AUTS2: variants seen among roughly 807,000 people sequenced by gnomAD.
AUTS2 encodes activator of transcription and developmental regulator AUTS2.
Under a neutral mutation model 112.4 loss-of-function variants are expected in AUTS2, and 17 were observed. The observed-to-expected ratio is 0.15, with a 90% CI of 0.10 to 0.23. AUTS2 has a LOEUF of 0.23. AUTS2 is among the 10% of genes least tolerant of loss of function. AUTS2 has a pLI of 1.00. For synonymous variants in AUTS2, 751 were observed against 702.7 expected, an observed-to-expected ratio of 1.07 and a Z score of -1.09; for missense variants, 1,510 against 1,701.6, an observed-to-expected ratio of 0.89 and a Z score of 1.98.
At chr7:69,894,990 T>A (rs145437186) in intron 1 of AUTS2, among the ~76,000 whole-genome samples, 22 of 152,182 alleles carry the variant, frequency 1.4e-4, no homozygotes, top group African/African-American at 5.3e-4. Flanking sequence ...CCAAAAAGTT[T>A]TTTTATATAC....
intron 4 of AUTS2, among the ~76,000 whole-genome samples, chr7:70,395,623 AG>A (rs1794045802): frequency 6.6e-6 from 1 of 152,228 alleles, no homozygotes; most frequent in African/African-American, 2.4e-5. Context: ...AAGTGATCTC[AG>A]TTAGCTGCCA....
intron 5 of AUTS2, among the ~76,000 whole-genome samples, chr7:70,592,736 G>A (rs1231881597): frequency 6.6e-6 from 1 of 152,058 alleles, no homozygotes; most frequent in Admixed American, 6.6e-5. Context: ...CCCTACCCAT[G>A]GTGACCCACA....
intron 16 of AUTS2, chr7:70,785,277 G>A: frequency 1.6e-6 from 1 of 619,716 alleles, no homozygotes; most frequent in Non-Finnish European, 3.0e-6. Context: ...TGGTGCAGTG[G>A]GTGAGAGCCA....
At chr7:69,962,970 G>C (rs1797491454) in intron 2 of AUTS2, among the ~76,000 whole-genome samples, 1 of 152,144 alleles carries the variant, frequency 6.6e-6, no homozygotes, top group African/African-American at 2.4e-5. Flanking sequence ...CTCTTAAAAA[G>C]CATTCAGATG....
chr7:69,862,190 T>C (rs1584355181), intron 1 of AUTS2, among the ~76,000 whole-genome samples: 1 of 152,292 alleles, frequency 6.6e-6, no homozygotes, highest in East Asian at 1.9e-4. Context: ...CTAAACTATA[T>C]CACCTCTAAT....
At chr7:69,998,300 G>A (rs1799036913) in intron 2 of AUTS2, among the ~76,000 whole-genome samples, 1 of 151,830 alleles carries the variant, frequency 6.6e-6, no homozygotes, top group Non-Finnish European at 1.5e-5. Flanking sequence ...TCCTGCCTCA[G>A]CCTCCCAAGT....
chr7:70,565,372 A>G (rs1398711001), intron 5 of AUTS2, among the ~76,000 whole-genome samples: 2 of 152,150 alleles, frequency 1.3e-5, no homozygotes, highest in Non-Finnish European at 2.9e-5. Flanking sequence ...TTGTTCATTT[A>G]AAAAAAGGAA....
chr7:69,791,514 T>A (rs1789606501), intron 1 of AUTS2, among the ~76,000 whole-genome samples: 1 of 152,226 alleles, frequency 6.6e-6, no homozygotes, highest in Non-Finnish European at 1.5e-5. Context: ...TTCATACATC[T>A]GCAAAATGGA....
At position 69,614,312 on chromosome 7, in the gene AUTS2, G is replaced by GCC. The variant is rs1793203536; in HGVS notation, c.309+14350_309+14351insCC. On this transcript the variant is annotated intron_variant, in intron 1 of 18. Coordinates refer to ENST00000342771, the MANE Select transcript of AUTS2 (RefSeq NM_015570.4). ...ACACTTCTCTCAAGAGTCACTCTCC[G>GCC]TCTCTTTCTTTCTTTCTTTCTTTCT... Among the ~76,000 whole-genome samples the GCC allele has an allele frequency of 3.8e-5, 3 of 79,532 alleles. No individual in the cohort carries two copies. In the South Asian group the frequency reaches 1.3e-3, roughly 36 times the overall value. 52.2% of individuals were successfully genotyped at this position (79,532 alleles called of 152,430 possible).
At chr7:70,017,799 A>G (rs551693668) in intron 2 of AUTS2, among the ~76,000 whole-genome samples, 86 of 150,048 alleles carry the variant, frequency 5.7e-4, no homozygotes, top group Non-Finnish European at 1.1e-3. Context: ...CTTTAATTGT[A>G]TATGTTTATG....
At chr7:70,041,958 G>T (rs1801267199) in intron 2 of AUTS2, among the ~76,000 whole-genome samples, 1 of 152,082 alleles carries the variant, frequency 6.6e-6, no homozygotes, top group African/African-American at 2.4e-5. Context: ...GGATTATAAA[G>T]TATTTATGGA....
At chr7:70,397,067 A>ATT (rs35330696) in intron 4 of AUTS2, among the ~76,000 whole-genome samples, 4 of 143,614 alleles carry the variant, frequency 2.8e-5, no homozygotes, top group African/African-American at 1.0e-4. Context: ...TTCTTTTATT[A>ATT]TTTTTTTTTT....
At chr7:69,855,303 T>G (rs190342446) in intron 1 of AUTS2, among the ~76,000 whole-genome samples, 409 of 152,300 alleles carry the variant, frequency 2.7e-3, no homozygotes, top group South Asian at 7.1e-3. Flanking sequence ...ATTAACATTT[T>G]CTGTTTTATC....
chr7:70,136,220 T>A (rs1806554165), intron 4 of AUTS2, among the ~76,000 whole-genome samples: 1 of 152,166 alleles, frequency 6.6e-6, no homozygotes, highest in South Asian at 2.1e-4. Context: ...ATTGGATGAG[T>A]ATAAAAGTTT....
intron 7 of AUTS2, among the ~76,000 whole-genome samples, 182 bp from the exon 8 acceptor site, chr7:70,764,570 T>C (rs1311046011): frequency 6.6e-6 from 1 of 151,874 alleles, no homozygotes; most frequent in Admixed American, 6.6e-5. Flanking sequence ...GCAGTAGCGA[T>C]GGGAAAGTTT....
chr7:70,786,952 CT>C, intron 17 of AUTS2: 1 of 563,992 alleles, frequency 1.8e-6, no homozygotes. Flanking sequence ...CATTTGGTCC[CT>C]TTTCCTTTTT....
chr7:69,744,688 T>A (rs1787412911), intron 1 of AUTS2, among the ~76,000 whole-genome samples: 1 of 150,392 alleles, frequency 6.6e-6, no homozygotes, highest in South Asian at 2.1e-4. Context: ...AAAAAAAAAA[T>A]TAGCCGATGT....
intron 4 of AUTS2, among the ~76,000 whole-genome samples, chr7:70,134,797 C>G (rs552111084): frequency 6.6e-6 from 1 of 152,204 alleles, no homozygotes; most frequent in Admixed American, 6.5e-5. Context: ...GTTCCTAACG[C>G]CCAGGACATT....
chr7:69,711,367 A>G (rs1218090907), intron 1 of AUTS2, among the ~76,000 whole-genome samples: 2 of 101,440 alleles, frequency 2.0e-5, no homozygotes, highest in African/African-American at 7.9e-5. Context: ...TGTGGTTTTG[A>G]GAAATAGTAG....
Sources: gnomAD v4.1 joint callset for allele counts (sites outside exome capture counted in the v4.1 genomes callset) on GRCh38, gnomAD v4.1.1 for gene constraint, MANE v1.5 for transcripts, NCBI Gene and HGNC (gene_info 2026-07-23, HGNC 2026-07-21) for gene names.